GSR: variants seen among roughly 807,000 people sequenced by gnomAD.
The protein encoded by GSR is glutathione reductase, mitochondrial.
In GSR, 48 loss-of-function variants were observed where a neutral mutation model predicts 56.5. The observed-to-expected ratio is 0.85, with a 90% CI of 0.67 to 1.08. GSR has a LOEUF of 1.08. GSR is among the 50% of genes least tolerant of loss of function. GSR has a pLI of 0.00. For missense variants in GSR, 694 were observed against 703.3 expected (o/e 0.99, Z 0.15); for synonymous variants, 264 against 270.8 (o/e 0.97, Z 0.25).
chr8:30,679,690 T>C, intron 12 of GSR, 21 bp from the exon 13 acceptor site: 2 of 1,590,694 alleles, frequency 1.3e-6, no homozygotes, highest in Non-Finnish European at 1.7e-6. Flanking sequence ...AAGAGAAACA[T>C]TTTCTTTTCT....
chr8:30,686,443 T>C (rs952196265), intron 9 of GSR, among the ~76,000 whole-genome samples: 6 of 152,190 alleles, frequency 3.9e-5, no homozygotes, highest in Non-Finnish European at 7.4e-5. Context: ...CCCAGCACTT[T>C]GGGAAGCTGA....
intron 4 of GSR, 71 bp from the exon 5 acceptor site, chr8:30,703,311 A>G: frequency 7.5e-7 from 1 of 1,328,278 alleles, no homozygotes; most frequent in Non-Finnish European, 1.1e-6. Context: ...ACTTATCAGA[A>G]CTTTCATTTC....
intron 4 of GSR, among the ~76,000 whole-genome samples, chr8:30,707,308 C>T (rs1316221230): frequency 6.6e-6 from 1 of 152,228 alleles, no homozygotes; most frequent in African/African-American, 2.4e-5. Flanking sequence ...AGCTCTGGCA[C>T]ATGCCACCCT....
At chr8:30,705,484 A>C (rs1803889354) in intron 4 of GSR, among the ~76,000 whole-genome samples, 1 of 152,066 alleles carries the variant, frequency 6.6e-6, no homozygotes. Flanking sequence ...GGATGGTCTC[A>C]ATCTCCTGAC....
At chr8:30,724,881 C>T (rs1359748995) in intron 1 of GSR, among the ~76,000 whole-genome samples, 4 of 152,046 alleles carry the variant, frequency 2.6e-5, no homozygotes, top group Non-Finnish European at 4.4e-5. Context: ...CTACATTTTA[C>T]ATAAGATAAA....
At chr8:30,681,785 TG>T in intron 11 of GSR, 144 bp downstream of exon 11, 1 of 747,128 alleles carries the variant, frequency 1.3e-6, no homozygotes, top group Non-Finnish European at 2.3e-6. Context: ...GGGAGAAAAC[TG>T]GAACTGTGAC....
chr8:30,719,055 G>A (rs1227828879), intron 1 of GSR, among the ~76,000 whole-genome samples: 6 of 150,902 alleles, frequency 4.0e-5, no homozygotes, highest in Non-Finnish European at 8.8e-5. Context: ...TCAGCCTCCC[G>A]AGTACCTGGG....
In GSR at chr8:30,693,112, C is replaced by G. The variant is rs560961714; in HGVS notation, c.796-57G>C. 136 of 1,057,366 alleles carry G rather than the reference C, an allele frequency of 1.3e-4. 1 individual carries two copies. In the South Asian group the frequency reaches 1.7e-3, roughly 13 times the overall value. 65.5% of individuals were successfully genotyped at this position (1,057,366 alleles called of 1,614,324 possible). On this transcript the variant is annotated intron_variant, in intron 7 of 12. Transcript: ENST00000221130. ...GAGGAAGAAAACTTGAGCAAAGACACACCACAAACTTGGGAGGGAAACTTC... is the reference window on the plus strand; with the variant it reads ...GAGGAAGAAAACTTGAGCAAAGACAGACCACAAACTTGGGAGGGAAACTTC...
At chr8:30,701,143 G>GC (rs1237085582) in intron 5 of GSR, among the ~76,000 whole-genome samples, 4 of 152,076 alleles carry the variant, frequency 2.6e-5, no homozygotes, top group Non-Finnish European at 5.9e-5. Context: ...TCTCTCTGTA[G>GC]CCCCCCTACC....
At chr8:30,712,184 T>A (rs1804168985) in intron 1 of GSR, 96 bp from the exon 2 acceptor site, 2 of 684,624 alleles carry the variant, frequency 2.9e-6, no homozygotes, top group Non-Finnish European at 5.3e-6. Context: ...AAGCGAGGAG[T>A]CTTCCTTGGG....
rs774035226 is a variant in GSR, at chr8:30,681,958, G to C, written c.1257C>G (p.Pro419=). The change falls in exon 11 of 13, where the codon CCC becomes CCG. Residue 419 remains proline, a synonymous_variant. Transcript: ENST00000221130. ...NNIPTVVFSH[P]PIGTVGLTED... ...CCGTGAGTCCCACTGTCCCAATAGG[G>C]GGGTGGCTGAAGACCACAGTTGGGA... is the stretch of plus-strand genomic sequence containing the variant. 6.2e-7 allele frequency: 1 copy of C among 1,613,610 alleles called. No homozygotes were observed. Among genetic ancestry groups the C allele is most frequent in the Admixed American group, 1.7e-5 (1 of 60,014 alleles).
intron 4 of GSR, among the ~76,000 whole-genome samples, chr8:30,704,170 T>C (rs1308210804): frequency 6.6e-6 from 1 of 151,820 alleles, no homozygotes; most frequent in Admixed American, 6.6e-5. Context: ...ACTAAAAATA[T>C]AAAAATTAGC....
At chr8:30,727,186 G>A (rs1563549409) in intron 1 of GSR, among the ~76,000 whole-genome samples, 1 of 152,244 alleles carries the variant, frequency 6.6e-6, no homozygotes, top group Non-Finnish European at 1.5e-5. Context: ...AATGTTCCCA[G>A]ATGCAGTTTT....
chr8:30,722,246 C>G (rs541553543), intron 1 of GSR, among the ~76,000 whole-genome samples: 1 of 152,234 alleles, frequency 6.6e-6, no homozygotes, highest in Admixed American at 6.5e-5. Flanking sequence ...CTTTAACTAG[C>G]CCCACCCTTT....
At chr8:30,703,347 T>C (rs1210679914) in intron 4 of GSR, 107 bp from the exon 5 acceptor site, 1 of 1,060,394 alleles carries the variant, frequency 9.4e-7, no homozygotes, top group East Asian at 2.4e-5. Flanking sequence ...GATTCTTGGT[T>C]TGCTGATGCC....
rs8190970 is a variant in GSR at position 30,703,325 on chromosome 8, A to T, written c.493-85T>A. Reference sequence around the variant, plus strand: ...AACTTATCAGAACTTTCATTTCTCTACTGAACATTTTGATTCTTGGTTTGC... The same window carrying T: ...AACTTATCAGAACTTTCATTTCTCTTCTGAACATTTTGATTCTTGGTTTGC... On this transcript the variant is annotated intron_variant, in intron 4 of 12. Coordinates refer to ENST00000221130, the MANE Select transcript of GSR (RefSeq NM_000637.5). 1.2e-3 allele frequency: 1,499 copies of T among 1,234,724 alleles called. 6 individuals carry two copies. The highest frequency in any genetic ancestry group is 8.4e-3 in the South Asian group (695 of 82,864). The allele number at this position is 1,234,724 out of a possible 1,614,324, so 76.5% of individuals were successfully genotyped here.
intron 1 of GSR, among the ~76,000 whole-genome samples, chr8:30,713,345 A>G (rs1445287052): frequency 6.7e-6 from 1 of 148,582 alleles, no homozygotes; most frequent in Non-Finnish European, 1.5e-5. Flanking sequence ...CCAGAAAACT[A>G]CATTATTTTT....
chr8:30,705,554 G>A (rs187284047), intron 4 of GSR, among the ~76,000 whole-genome samples: 8 of 152,024 alleles, frequency 5.3e-5, no homozygotes, highest in Admixed American at 2.0e-4. Flanking sequence ...GAGCCACCGC[G>A]CCCGGCCTCT....
chr8:30,679,448 G>T lies in GSR; in HGVS notation c.*72C>A. The T allele has an allele frequency of 7.1e-7, 1 of 1,399,576 alleles. No individual in the cohort carries two copies. The highest frequency in any genetic ancestry group is 1.0e-6 in the Non-Finnish European group (1 of 989,718). The allele number at this position is 1,399,576 out of a possible 1,614,324, so 86.7% of individuals were successfully genotyped here. ...GAAATACATAAAACTCAAACAGTAA[G>T]TCAATGTGATTATTTGTTTCATTTC... is the stretch of plus-strand genomic sequence containing the variant. On this transcript the variant is annotated 3_prime_UTR_variant, in exon 13 of 13. Coordinates refer to ENST00000221130, the MANE Select transcript of GSR (RefSeq NM_000637.5).
Sources: gnomAD v4.1 joint callset for allele counts (sites outside exome capture counted in the v4.1 genomes callset) on GRCh38, gnomAD v4.1.1 for gene constraint, MANE v1.5 for transcripts, NCBI Gene and HGNC (gene_info 2026-07-23, HGNC 2026-07-21) for gene names.